NEK2: variants seen among roughly 807,000 people sequenced by gnomAD.
NEK2 encodes NIMA related kinase 2.
NEK2 carries 28 observed loss-of-function variants against 54.1 expected under a neutral mutation model. The ratio of observed to expected loss-of-function variants is 0.52; its 90% CI spans 0.38 to 0.71. NEK2 has a LOEUF of 0.71. Among genes scored for constraint, NEK2 ranks in the 30% least tolerant of loss-of-function variants. The probability of loss-of-function intolerance (pLI) is 0.00; values close to 1 mark genes in which losing one functional copy is unlikely to be tolerated. For synonymous variants in NEK2, 176 were observed against 193.1 expected (o/e 0.91, Z 0.73); for missense variants, 407 against 531.5 (o/e 0.77, Z 2.30).
chr1:211,675,358 A>T (rs1308041402), intron 1 of NEK2, 26 bp downstream of exon 1: 4 of 1,604,054 alleles, frequency 2.5e-6, no homozygotes, highest in Middle Eastern at 1.7e-4. Context: ...AAGCAGGGGC[A>T]GGCGCAGGGT....
At chr1:211,670,043 G>A (rs1168552026) in intron 5 of NEK2, among the ~76,000 whole-genome samples, 5 of 152,162 alleles carry the variant, frequency 3.3e-5, no homozygotes, top group African/African-American at 7.2e-5. Flanking sequence ...CCTTGCTACC[G>A]ACCATCTGTT....
chr1:211,671,810 A>C (rs887409689), intron 3 of NEK2, among the ~76,000 whole-genome samples: 2 of 152,216 alleles, frequency 1.3e-5, no homozygotes, highest in Admixed American at 6.5e-5. Flanking sequence ...TTCTCAACAG[A>C]GGGAATAGAA....
intron 2 of NEK2, among the ~76,000 whole-genome samples, 198 bp downstream of exon 2, chr1:211,674,098 G>A (rs1344278895): frequency 6.6e-6 from 1 of 152,140 alleles, no homozygotes; most frequent in East Asian, 1.9e-4. Context: ...TTACAGGTGT[G>A]AGCCACCACA....
chr1:211,667,381 T>C (rs1655214548), intron 6 of NEK2, 150 bp from the exon 7 acceptor site: 2 of 638,002 alleles, frequency 3.1e-6, no homozygotes, highest in Non-Finnish European at 5.0e-6. Context: ...TCAGTCAACC[T>C]GATTATGTTA....
rs531122153 is a variant in NEK2 at position 211,667,971 on chromosome 1, G to A, written c.986-740C>T. ...TGAGGCAGGAGAATTGCTTGAACCC[G>A]GGAGGTAGAGGTTGCAATGAACCAA... On this transcript the variant is annotated intron_variant, in intron 6 of 7. Transcript: ENST00000366999. 1.9e-4 allele frequency among the ~76,000 whole-genome samples: 29 copies of A among 152,158 alleles called. 2 individuals carry two copies. The South Asian group carries it at 3.7e-3, about 20-fold the overall frequency.
chr1:211,664,133 G>T (rs112966313), intron 7 of NEK2, among the ~76,000 whole-genome samples: 14 of 150,046 alleles, frequency 9.3e-5, no homozygotes, highest in African/African-American at 3.2e-4. Context: ...TTAGTTCAAA[G>T]CATCTTAATG....
chr1:211,661,204 A>T (rs1188209462), downstream of NEK2: 1 of 726,440 alleles, frequency 1.4e-6, no homozygotes, highest in African/African-American at 1.7e-5. Context: ...TGCTGAATGA[A>T]ATCCTGTTTT....
At chr1:211,667,306 T>C (rs1655212275) in intron 6 of NEK2, 75 bp from the exon 7 acceptor site, 4 of 1,423,566 alleles carry the variant, frequency 2.8e-6, no homozygotes, top group Non-Finnish European at 3.8e-6. Context: ...CATTTGGCAA[T>C]CTTATCACTA....
downstream of NEK2, chr1:211,661,057 A>G (rs1330977379): frequency 2.7e-6 from 2 of 740,658 alleles, no homozygotes; most frequent in Non-Finnish European, 5.0e-6. Context: ...CCGGAATGCT[A>G]AGCACCGTCA....
At chr1:211,671,497 A>G (rs1377175493) in intron 3 of NEK2, among the ~76,000 whole-genome samples, 1 of 152,250 alleles carries the variant, frequency 6.6e-6, no homozygotes, top group Non-Finnish European at 1.5e-5. Context: ...TTCCATTCAC[A>G]AATGAAAGTG....
chr1:211,674,173 G>T, intron 2 of NEK2, 123 bp downstream of exon 2: 1 of 745,392 alleles, frequency 1.3e-6, no homozygotes, highest in Non-Finnish European at 2.1e-6. Context: ...ATTTTCTAAA[G>T]TACTGTGGAC....
downstream of NEK2, among the ~76,000 whole-genome samples, chr1:211,661,716 T>C (rs1233630336): frequency 6.6e-6 from 1 of 152,226 alleles, no homozygotes; most frequent in Non-Finnish European, 1.5e-5. Context: ...GTCAAATCCC[T>C]AACCAAGAAC....
chr1:211,671,123 AG>A lies in NEK2; in HGVS notation c.638+78del, dbSNP rs375210542. ...CTTGAATATACTTTCGTTAGCACAG[AG>A]GCTCAAAAAACTGAACCCAGTGAAA... On this transcript the variant is annotated intron_variant, in intron 4 of 7. Transcript: ENST00000366999. 103 of 1,109,656 alleles carry A rather than the reference AG, an allele frequency of 9.3e-5. 1 individual carries two copies. Among genetic ancestry groups the A allele is most frequent in the African/African-American group, 8.9e-4 (58 of 65,020 alleles). The allele number at this position is 1,109,656 out of a possible 1,614,324, so 68.7% of individuals were successfully genotyped here.
chr1:211,667,356 GA>G, intron 6 of NEK2, 125 bp from the exon 7 acceptor site: 1 of 858,492 alleles, frequency 1.2e-6, no homozygotes, highest in South Asian at 2.2e-5. Context: ...TTGGGGAAAG[GA>G]TTCTCACTAT....
intron 6 of NEK2, 101 bp downstream of exon 6, chr1:211,669,012 A>C (rs1655268682): frequency 3.7e-6 from 4 of 1,090,354 alleles, no homozygotes; most frequent in Non-Finnish European, 5.3e-6. Flanking sequence ...GCTTCTAATA[A>C]GATCTGTATG....
In NEK2 at chr1:211,675,556, C is replaced by T; in HGVS notation, c.-77G>A. ...TGCGGAGCTCCAGGGACCAGGAACT[C>T]CAGGGACCTGGATGGAGAAGCCCCC... On this transcript the variant is annotated 5_prime_UTR_variant, in exon 1 of 8. Coordinates refer to ENST00000366999, the MANE Select transcript of NEK2 (RefSeq NM_002497.4). 8.0e-7 allele frequency: 1 copy of T among 1,251,684 alleles called. No individual in the cohort carries two copies. The highest frequency in any genetic ancestry group is 1.2e-6 in the Non-Finnish European group (1 of 857,796). The allele number at this position is 1,251,684 out of a possible 1,614,324, so 77.5% of individuals were successfully genotyped here.
chr1:211,674,374 T>C lies in NEK2; in HGVS notation c.236A>G (p.Asn79Ser), dbSNP rs1304744226. ...TTCCATTACAATGTACAGTGTTGTA[T>C]TGGTCCGGTCAATAATCCGATCATA... is the stretch of plus-strand genomic sequence containing the variant. Reference protein sequence around the residue: ...RYYDRIIDRTNTTLYIVMEYC... With the variant: ...RYYDRIIDRTSTTLYIVMEYC... The change falls in exon 2 of 8, where the codon AAT becomes AGT. Residue 79 changes from asparagine to serine, a missense_variant. Coordinates refer to ENST00000366999, the MANE Select transcript of NEK2 (RefSeq NM_002497.4). The C allele has an allele frequency of 6.2e-7, 1 of 1,614,178 alleles. No homozygotes were observed. The highest frequency in any genetic ancestry group is 8.5e-7 in the Non-Finnish European group (1 of 1,179,998).
chr1:211,669,561 C>A, intron 5 of NEK2: 1 of 517,054 alleles, frequency 1.9e-6, no homozygotes, highest in Non-Finnish European at 3.4e-6. Flanking sequence ...CCCTTTTCCC[C>A]TTTTCACCTT....
At chr1:211,668,475 A>G (rs948473256) in intron 6 of NEK2, among the ~76,000 whole-genome samples, 4 of 152,190 alleles carry the variant, frequency 2.6e-5, no homozygotes, top group Non-Finnish European at 5.9e-5. Flanking sequence ...TCTTGTATCT[A>G]GATTCTCTAT....
Sources: allele counts gnomAD v4.1 joint callset (sites outside exome capture counted in the v4.1 genomes callset), GRCh38; gene constraint gnomAD v4.1.1; transcripts MANE v1.5; gene names NCBI Gene and HGNC (gene_info 2026-07-23, HGNC 2026-07-21).